The following CDH20 variants were observed in gnomAD, a reference collection of about 807,000 sequenced individuals.
CDH20 encodes the protein cadherin 20.
In CDH20, 29 loss-of-function variants were observed where a neutral mutation model predicts 74.2. The ratio of observed to expected loss-of-function variants is 0.39; its 90% CI spans 0.29 to 0.53. The LOEUF (loss-of-function observed/expected upper bound fraction) is 0.53, where lower values mean the gene tolerates loss of function less well. CDH20 is among the 20% of genes least tolerant of loss of function. The pLI is 0.69. For synonymous variants in CDH20, 469 were observed against 405.4 expected (o/e 1.16, Z -1.88); for missense variants, 988 against 1,048.3 (o/e 0.94, Z 0.79).
At chr18:61,363,975 A>C (rs1910779572) in intron 1 of CDH20, among the ~76,000 whole-genome samples, 1 of 152,166 alleles carries the variant, frequency 6.6e-6, no homozygotes. Flanking sequence ...AGCTCATCTG[A>C]CTGCACAGGT....
chr18:61,404,889 C>A, intron 1 of CDH20: 1 of 646,146 alleles, frequency 1.5e-6, no homozygotes, highest in South Asian at 1.5e-5. Flanking sequence ...TGGCATGCTT[C>A]TAATGGTGTC....
chr18:61,389,421 A>G (rs1490927637), intron 1 of CDH20, among the ~76,000 whole-genome samples: 1 of 152,168 alleles, frequency 6.6e-6, no homozygotes, highest in Non-Finnish European at 1.5e-5. Flanking sequence ...ACATACTGAC[A>G]TGGAAGTACT....
chr18:61,525,857 G>A (rs1382609229), intron 6 of CDH20, among the ~76,000 whole-genome samples: 3 of 151,660 alleles, frequency 2.0e-5, no homozygotes, highest in Admixed American at 6.6e-5. Flanking sequence ...CTCAGGCTAC[G>A]GTGCAGTGGT....
chr18:61,378,396 C>A (rs147554267), intron 1 of CDH20, among the ~76,000 whole-genome samples: 2,948 of 152,260 alleles, frequency 0.019, 49 homozygotes, highest in Non-Finnish European at 0.028. Flanking sequence ...GACTGATGTC[C>A]CAGCTCAAAG....
intron 1 of CDH20, among the ~76,000 whole-genome samples, chr18:61,404,073 A>G (rs563993549): frequency 7.6e-4 from 116 of 152,286 alleles, no homozygotes; most frequent in Non-Finnish European, 1.5e-3. Context: ...ACACTGTCAG[A>G]GTGGTAGGGG....
At chr18:61,549,347 A>G (rs898986105) in intron 10 of CDH20, among the ~76,000 whole-genome samples, 2 of 152,218 alleles carry the variant, frequency 1.3e-5, no homozygotes, top group Non-Finnish European at 2.9e-5. Context: ...TAACTGCTTA[A>G]AGTGAGACCA....
At chr18:61,490,144 C>T (rs1293296147) in intron 1 of CDH20, among the ~76,000 whole-genome samples, 2 of 152,056 alleles carry the variant, frequency 1.3e-5, no homozygotes, top group Non-Finnish European at 2.9e-5. Context: ...GCTAAGTTAC[C>T]AATGAGAAGA....
intron 2 of CDH20, among the ~76,000 whole-genome samples, chr18:61,498,428 T>G (rs1310110720): frequency 2.0e-5 from 3 of 150,280 alleles, no homozygotes; most frequent in African/African-American, 7.3e-5. Flanking sequence ...AAAAAAGGAT[T>G]CTGAGAGCAA....
At chr18:61,512,274 G>T (rs991145847) in intron 6 of CDH20, among the ~76,000 whole-genome samples, 1 of 152,042 alleles carries the variant, frequency 6.6e-6, no homozygotes, top group African/African-American at 2.4e-5. Context: ...TAATTTTCAG[G>T]ATGTTCTTTA....
At chr18:61,422,201 A>T (rs1912905814) in intron 1 of CDH20, among the ~76,000 whole-genome samples, 1 of 152,296 alleles carries the variant, frequency 6.6e-6, no homozygotes, top group East Asian at 1.9e-4. Context: ...ACATAATTAA[A>T]CATATATTTC....
Position 61,555,056 on chromosome 18 carries a change from G to T in CDH20, c.*361G>T. The T allele has an allele frequency of 9.2e-7, 1 of 1,090,030 alleles. No individual in the cohort carries two copies. Among genetic ancestry groups the T allele is most frequent in the African/African-American group, 1.6e-5 (1 of 61,470 alleles). 67.5% of individuals were successfully genotyped at this position (1,090,030 alleles called of 1,614,324 possible). A position where few individuals can be genotyped will look rare whatever the true frequency, so the allele number is the denominator to read the frequency against. ...CAGAAAGGCTCTGGCCTTGGATACA[G>T]AGATGCCAATTGAAAGCAGAAAGTT... On this transcript the variant is annotated 3_prime_UTR_variant, in exon 12 of 12. Transcript: ENST00000262717.
chr18:61,431,316 CA>C (rs1398118035), intron 1 of CDH20, among the ~76,000 whole-genome samples: 3 of 152,224 alleles, frequency 2.0e-5, no homozygotes. Context: ...AAAGAAATAT[CA>C]TGACTAAATG....
intron 1 of CDH20, among the ~76,000 whole-genome samples, chr18:61,438,201 G>A (rs867615981): frequency 2.0e-5 from 3 of 152,102 alleles, no homozygotes; most frequent in Non-Finnish European, 2.9e-5. Flanking sequence ...TTGCTTTTCT[G>A]CCCATTTCTT....
chr18:61,554,787 T>A lies in CDH20; in HGVS notation c.*92T>A. ...GCAGCCAACCACACGAGCAATACTG[T>A]GCTGGAGAGTGAGAATGGGGGTGAG... On this transcript the variant is annotated 3_prime_UTR_variant, in exon 12 of 12. Coordinates refer to ENST00000262717, the MANE Select transcript of CDH20 (RefSeq NM_031891.4). 1 of 1,447,008 alleles carries A rather than the reference T, an allele frequency of 6.9e-7. No individual in the cohort carries two copies. The highest frequency in any genetic ancestry group is 9.1e-7 in the Non-Finnish European group (1 of 1,100,908). The allele number at this position is 1,447,008 out of a possible 1,614,324, so 89.6% of individuals were successfully genotyped here.
chr18:61,401,077 G>C (rs373142533), intron 1 of CDH20, among the ~76,000 whole-genome samples: 47 of 152,246 alleles, frequency 3.1e-4, no homozygotes, highest in Admixed American at 1.2e-3. Context: ...TATGCTCTCC[G>C]TGCAGCTGCA....
chr18:61,392,847 G>A (rs1398345638), intron 1 of CDH20, among the ~76,000 whole-genome samples: 2 of 151,652 alleles, frequency 1.3e-5, no homozygotes, highest in African/African-American at 4.8e-5. Flanking sequence ...AAAGCAGCAA[G>A]GTATTTTTTT....
At chr18:61,445,328 G>T (rs1444054540) in intron 1 of CDH20, among the ~76,000 whole-genome samples, 1 of 152,044 alleles carries the variant, frequency 6.6e-6, no homozygotes, top group Non-Finnish European at 1.5e-5. Flanking sequence ...ACAAATCAGA[G>T]AAGTTCTATA....
At chr18:61,341,065 G>A (rs17068197) in intron 1 of CDH20, among the ~76,000 whole-genome samples, 4,511 of 152,242 alleles carry the variant, frequency 0.03, 227 homozygotes, top group African/African-American at 0.1. Flanking sequence ...GTCAGAGAAG[G>A]ACTGGGAGAA....
chr18:61,549,946 T>G, intron 10 of CDH20, 32 bp from the exon 11 acceptor site: 1 of 1,597,952 alleles, frequency 6.3e-7, no homozygotes, highest in South Asian at 1.1e-5. Flanking sequence ...TCACCTTCCC[T>G]TTTCCAATCC....
Sources: gnomAD v4.1 joint callset for allele counts (sites outside exome capture counted in the v4.1 genomes callset) on GRCh38, gnomAD v4.1.1 for gene constraint, MANE v1.5 for transcripts, NCBI Gene and HGNC (gene_info 2026-07-23, HGNC 2026-07-21) for gene names.